Variants in XYLT2 observed in about 807,000 individuals in gnomAD.
The protein encoded by XYLT2 is xylosyltransferase 2.
Under a neutral mutation model 82.6 loss-of-function variants are expected in XYLT2, and 37 were observed. The observed-to-expected ratio is 0.45, with a 90% CI of 0.34 to 0.59. The LOEUF (loss-of-function observed/expected upper bound fraction) is 0.59. Ranked by LOEUF, XYLT2 falls within the 20% of genes least tolerant of loss-of-function variation. The pLI is 0.01. For synonymous variants in XYLT2, 474 were observed against 499.0 expected (o/e 0.95, Z 0.67); for missense variants, 934 against 1,181.3 (o/e 0.79, Z 3.07).
chr17:50,352,764 G>A (rs1442202526), intron 1 of XYLT2, among the ~76,000 whole-genome samples: 1 of 152,212 alleles, frequency 6.6e-6, no homozygotes, highest in East Asian at 1.9e-4. Flanking sequence ...TGCACATGCA[G>A]CGAGGTGACA....
chr17:50,357,082 A>T lies in XYLT2; in HGVS notation c.1771A>T (p.Ser591Cys). 1 of 1,611,474 alleles carries T rather than the reference A, an allele frequency of 6.2e-7. No individual in the cohort carries two copies. Among genetic ancestry groups the T allele is most frequent in the Non-Finnish European group, 8.5e-7 (1 of 1,178,618 alleles). The change falls in exon 9 of 11, where the codon AGC becomes TGC. Residue 591 changes from serine to cysteine, a missense_variant. Physicochemically the swap from Ser to Cys is moderately radical, Grantham distance 112. Coordinates refer to ENST00000017003, the MANE Select transcript of XYLT2 (RefSeq NM_022167.4). Reference protein sequence around the residue: ...CRFEPRGLPSSVHLYFYDDHF... With the variant: ...CRFEPRGLPSCVHLYFYDDHF... ...GTTTGAGCCCAGGGGCTTGCCGTCC[A>T]GCGTGCACCTGTATTTCTATGACGA...
Position 50,357,131 on chromosome 17 carries a change from CGCAG to C in XYLT2, c.1823_1826del (p.Gln608ArgfsTer17). 1 of 1,613,820 alleles carries C rather than the reference CGCAG, an allele frequency of 6.2e-7. No homozygotes were observed. Among genetic ancestry groups the C allele is most frequent in the Non-Finnish European group, 8.5e-7 (1 of 1,179,942 alleles). ...GACCATTTCCAGGGCTACCTGGTGA[CGCAG>C]GCGGTGCAGCCCTCAGCCCAGGGGC... On this transcript the variant is annotated frameshift_variant, in exon 9 of 11. Coordinates refer to ENST00000017003, the MANE Select transcript of XYLT2 (RefSeq NM_022167.4). LOFTEE classifies it high-confidence loss of function.
chr17:50,360,549 C>T lies in XYLT2; in HGVS notation c.*258C>T. On this transcript the variant is annotated 3_prime_UTR_variant, in exon 11 of 11. Coordinates refer to ENST00000017003, the MANE Select transcript of XYLT2 (RefSeq NM_022167.4). ...ACCCAGCTCTTCCTCACCTTCCTGT[C>T]TAGTTTGAATTTCTTTTTTTTCTTT... The T allele has an allele frequency of 8.4e-7, 1 of 1,196,970 alleles. No individual in the cohort carries two copies. Among genetic ancestry groups the T allele is most frequent in the Non-Finnish European group, 1.0e-6 (1 of 966,836 alleles). The allele number at this position is 1,196,970 out of a possible 1,614,324, so 74.1% of individuals were successfully genotyped here.
chr17:50,346,742 C>T lies in XYLT2; in HGVS notation c.135+467C>T. On this transcript the variant is annotated intron_variant, in intron 1 of 10. Coordinates refer to ENST00000017003, the MANE Select transcript of XYLT2 (RefSeq NM_022167.4). This position sits in a 1 kb window ranked among gnomAD's most constrained non-coding sequence, Gnocchi z 5.1. ...TCCTTCCCCAGCTGAGCCCGAGGGG[C>T]AGCGGCCGGTGAGGAAGGGGAGCTC... 4 of 985,384 alleles carry T rather than the reference C, an allele frequency of 4.1e-6. No individual in the cohort carries two copies. Among genetic ancestry groups the T allele is most frequent in the Non-Finnish European group, 4.8e-6 (4 of 829,916 alleles). The allele number at this position is 985,384 out of a possible 1,614,324, so 61.0% of individuals were successfully genotyped here. A position where few individuals can be genotyped will look rare whatever the true frequency, so the allele number is the denominator to read the frequency against.
In XYLT2 at chr17:50,357,083, G is replaced by T; in HGVS notation, c.1772G>T (p.Ser591Ile). The T allele has an allele frequency of 6.2e-7, 1 of 1,611,928 alleles. No individual in the cohort carries two copies. Reference sequence around the variant, plus strand: ...TTTGAGCCCAGGGGCTTGCCGTCCAGCGTGCACCTGTATTTCTATGACGAC... The same window carrying T: ...TTTGAGCCCAGGGGCTTGCCGTCCATCGTGCACCTGTATTTCTATGACGAC... Reference protein sequence around the residue: ...CRFEPRGLPSSVHLYFYDDHF... With the variant: ...CRFEPRGLPSIVHLYFYDDHF... The change falls in exon 9 of 11, where the codon AGC becomes ATC. Residue 591 changes from serine to isoleucine, a missense_variant. Ser to Ile is a moderately radical substitution (Grantham distance 142, BLOSUM62 -2). Coordinates refer to ENST00000017003, the MANE Select transcript of XYLT2 (RefSeq NM_022167.4).
rs771602394 is a variant in XYLT2, at chr17:50,358,519, C to T, written c.2254C>T (p.Arg752Cys). 11 of 1,612,308 alleles carry T rather than the reference C, an allele frequency of 6.8e-6. No homozygotes were observed. Among genetic ancestry groups the T allele is most frequent in the Middle Eastern group, 1.6e-4 (1 of 6,078 alleles). ...CCTTGTGCTGCCCTTGACCTTCAAC[C>T]GCAAACTACCTCTCAGGAAAGGTAA... is the stretch of plus-strand genomic sequence containing the variant. ...RFLVLPLTFN[R>C]KLPLRKDDAS... The change falls in exon 10 of 11, where the codon CGC becomes TGC. Residue 752 changes from arginine to cysteine, a missense_variant. Arg to Cys is a radical substitution (Grantham distance 180, BLOSUM62 -3). Transcript: ENST00000017003.
rs1171853696 is a variant in XYLT2, at chr17:50,357,060, T to C, written c.1749T>C (p.Phe583=). The change falls in exon 9 of 11, where the codon TTT becomes TTC. Residue 583 remains phenylalanine (F), a synonymous_variant. Coordinates refer to ENST00000017003, the MANE Select transcript of XYLT2 (RefSeq NM_022167.4). ...TTTCTCCCTGCTGGCACCTTAGGTT[T>C]GAGCCCAGGGGCTTGCCGTCCAGCG... ...APPMGTPLCR[F]EPRGLPSSVH... is the part of the protein sequence containing the mutation. 6.3e-7 allele frequency: 1 copy of C among 1,599,324 alleles called. No individual in the cohort carries two copies. Among genetic ancestry groups the C allele is most frequent in the African/African-American group, 1.3e-5 (1 of 74,506 alleles).
intron 1 of XYLT2, among the ~76,000 whole-genome samples, chr17:50,349,138 G>A (rs888228561): frequency 6.6e-6 from 1 of 152,160 alleles, no homozygotes; most frequent in African/African-American, 2.4e-5. Context: ...ACCTGGCCCC[G>A]TGCCTCATGC....
In XYLT2 at chr17:50,346,583, A is replaced by G; in HGVS notation, c.135+308A>G. The G allele has an allele frequency of 1.0e-6, 1 of 981,768 alleles. No individual in the cohort carries two copies. Among genetic ancestry groups the G allele is most frequent in the Non-Finnish European group, 1.2e-6 (1 of 826,948 alleles). 60.8% of individuals were successfully genotyped at this position (981,768 alleles called of 1,614,324 possible). On this transcript the variant is annotated intron_variant, in intron 1 of 10. Transcript: ENST00000017003. This position sits in a 1 kb window ranked among gnomAD's most constrained non-coding sequence, Gnocchi z 5.1. ...GGAGCGATGAAGGTCAGGCGCGGCG[A>G]GCGGGGCTGGGAGGCGGGGCTGGGC...
rs913013352 is a variant in XYLT2 at position 50,346,308 on chromosome 17, G to GGCGCGGGGGC, written c.135+42_135+51dup. On this transcript the variant is annotated intron_variant, in intron 1 of 10. Coordinates refer to ENST00000017003, the MANE Select transcript of XYLT2 (RefSeq NM_022167.4). This position sits in a 1 kb window ranked among gnomAD's most constrained non-coding sequence, Gnocchi z 5.1. ...GACGGCCGGGCGGGCGGGCAGGCCG[G>GGCGCGGGGGC]GCGCGGGGGCGCGCGGGGTCCTGGC... 4 of 1,034,386 alleles carry GGCGCGGGGGC rather than the reference G, an allele frequency of 3.9e-6. No homozygotes were observed. The highest frequency in any genetic ancestry group is 4.6e-6 in the Non-Finnish European group (4 of 862,648). The allele number at this position is 1,034,386 out of a possible 1,614,324, so 64.1% of individuals were successfully genotyped here.
intron 1 of XYLT2, chr17:50,347,019 A>C (rs1328686354): frequency 1.2e-6 from 1 of 824,394 alleles, no homozygotes; most frequent in Non-Finnish European, 1.5e-6. Context: ...CCCCAGCCGC[A>C]GAGCAGGGGC....
chr17:50,358,732 C>T (rs1912666374), intron 10 of XYLT2, among the ~76,000 whole-genome samples, 192 bp downstream of exon 10: 1 of 152,214 alleles, frequency 6.6e-6, no homozygotes, highest in South Asian at 2.1e-4. Context: ...GAAAAGGGAG[C>T]TTTACAGTCA....
Position 50,360,070 on chromosome 17 carries a change from G to A in XYLT2, c.2377G>A (p.Ala793Thr), listed in dbSNP as rs370065508. Reference protein sequence around the residue: ...SILNLPQPELAEEAAQRHTQL... With the variant: ...SILNLPQPELTEEAAQRHTQL... Reference sequence around the variant, plus strand: ...CCTGAACCTGCCTCAGCCGGAGCTCGCGGAGGAGGCTGCCCAGCGGCACAC... The same window carrying A: ...CCTGAACCTGCCTCAGCCGGAGCTCACGGAGGAGGCTGCCCAGCGGCACAC... The change falls in exon 11 of 11, where the codon GCG (alanine) becomes ACG (threonine). Residue 793 changes from alanine (A) to threonine (T), a missense_variant. Physicochemically the swap from Ala to Thr is moderately conservative, Grantham distance 58 (BLOSUM62 0). This residue lies in a region of XYLT2 where 374 missense variants were observed against 465.6 expected (regional missense o/e 0.80). Coordinates refer to ENST00000017003, the MANE Select transcript of XYLT2 (RefSeq NM_022167.4). 2.2e-5 allele frequency: 35 copies of A among 1,613,842 alleles called. No homozygotes were observed. Among genetic ancestry groups the A allele is most frequent in the African/African-American group, 2.7e-5 (2 of 74,920 alleles).
At chr17:50,354,604 C>G in intron 3 of XYLT2, 21 bp downstream of exon 3, 1 of 1,593,364 alleles carries the variant, frequency 6.3e-7, no homozygotes. Flanking sequence ...GGGGAGAGGC[C>G]AAGGGGTCTG....
chr17:50,355,737 C>T (rs774277157), intron 5 of XYLT2, 44 bp from the exon 6 acceptor site: 1 of 1,607,850 alleles, frequency 6.2e-7, no homozygotes, highest in South Asian at 1.1e-5. Context: ...AGCTTAGACC[C>T]CACCCTGCAG....
chr17:50,353,506 G>C (rs920606434), intron 1 of XYLT2, 124 bp from the exon 2 acceptor site: 14 of 1,431,618 alleles, frequency 9.8e-6, no homozygotes, highest in Non-Finnish European at 1.3e-5. Flanking sequence ...GGTGAAAAGC[G>C]CTTCTCTGGG....
chr17:50,354,573 A>C lies in XYLT2; in HGVS notation c.794A>C (p.His265Pro). ...CACGAGCAGCACTTCTTTTACATCC[A>C]TGTGGACAAGGTACTGTGGTGGGGA... ...VYHEQHFFYIHVDKRSDYLHR... is the reference protein window; with the variant it reads ...VYHEQHFFYIPVDKRSDYLHR... The change falls in exon 3 of 11, where the codon CAT becomes CCT. Residue 265 changes from histidine to proline, a missense_variant. His to Pro is a moderately conservative substitution (Grantham distance 77). Coordinates refer to ENST00000017003, the MANE Select transcript of XYLT2 (RefSeq NM_022167.4). 6.2e-7 allele frequency: 1 copy of C among 1,609,310 alleles called. No homozygotes were observed. The highest frequency in any genetic ancestry group is 8.5e-7 in the Non-Finnish European group (1 of 1,178,032).
At chr17:50,349,103 C>T (rs1912151037) in intron 1 of XYLT2, among the ~76,000 whole-genome samples, 1 of 152,230 alleles carries the variant, frequency 6.6e-6, no homozygotes, top group Non-Finnish European at 1.5e-5. Context: ...CATCTCCTCC[C>T]ACATCCTGGC....
Position 50,356,413 on chromosome 17 carries a change from C to T in XYLT2, c.1483-98C>T, listed in dbSNP as rs9901634. On this transcript the variant is annotated intron_variant, in intron 7 of 10. Coordinates refer to ENST00000017003, the MANE Select transcript of XYLT2 (RefSeq NM_022167.4). ...GGGCTACAACAGCAGCAGGAAAAGCCGCAGGAGGCTGAGCTCTAGGCAGTG... is the reference window on the plus strand; with the variant it reads ...GGGCTACAACAGCAGCAGGAAAAGCTGCAGGAGGCTGAGCTCTAGGCAGTG... 7.5e-3 allele frequency: 11,713 copies of T among 1,553,320 alleles called. 809 individuals carry two copies. The African/African-American group carries it at 0.14, about 19-fold the overall frequency.
Sources: allele counts gnomAD v4.1 joint callset (sites outside exome capture counted in the v4.1 genomes callset), GRCh38; gene constraint gnomAD v4.1.1; regional missense constraint gnomAD v4.1.1; non-coding constraint Gnocchi (gnomAD v3.1); transcripts MANE v1.5; gene names NCBI Gene and HGNC (gene_info 2026-07-23, HGNC 2026-07-21).